The following KCNH8 variants were observed in gnomAD, a reference collection of about 807,000 sequenced individuals.
KCNH8 encodes the protein voltage-gated delayed rectifier potassium channel KCNH8.
In KCNH8, 70 loss-of-function variants were observed where a neutral mutation model predicts 103.6. That is an observed-to-expected ratio of 0.68 (90% CI 0.56 to 0.82). The LOEUF is 0.82. Ranked by LOEUF, KCNH8 falls within the 40% of genes least tolerant of loss-of-function variation. The pLI is 0.00. For missense variants in KCNH8, 1,217 were observed against 1,329.9 expected (o/e 0.92, Z 1.32); for synonymous variants, 498 against 489.4 (o/e 1.02, Z -0.23).
At chr3:19,265,530 CAG>C (rs977209624) in intron 2 of KCNH8, among the ~76,000 whole-genome samples, 2 of 152,000 alleles carry the variant, frequency 1.3e-5, no homozygotes, top group African/African-American at 4.8e-5. Flanking sequence ...TCCCATTTCC[CAG>C]AGTGTTGGAT....
At chr3:19,241,298 G>A (rs902176165) in intron 1 of KCNH8, among the ~76,000 whole-genome samples, 2 of 152,072 alleles carry the variant, frequency 1.3e-5, no homozygotes, top group African/African-American at 4.8e-5. Context: ...ACCTGTCTGA[G>A]ATAGAAAGGA....
intron 11 of KCNH8, among the ~76,000 whole-genome samples, chr3:19,497,875 G>T (rs528469083): frequency 1.3e-5 from 2 of 152,262 alleles, no homozygotes; most frequent in East Asian, 1.9e-4. Flanking sequence ...GGGAATCAAA[G>T]TCTCTGTGTA....
chr3:19,412,703 A>T (rs1188022638), intron 7 of KCNH8, among the ~76,000 whole-genome samples: 4 of 145,302 alleles, frequency 2.8e-5, no homozygotes, highest in Admixed American at 6.7e-5. Context: ...AAGACAATTT[A>T]AAAAAAATGA....
At chr3:19,355,885 A>T (rs1020992491) in intron 5 of KCNH8, among the ~76,000 whole-genome samples, 2 of 150,286 alleles carry the variant, frequency 1.3e-5, no homozygotes, top group South Asian at 2.1e-4. Context: ...AGTATAATAA[A>T]ATATATATAT....
rs548147237 is a variant in KCNH8, at chr3:19,256,028, G to A, written c.310+2141G>A. 7.9e-5 allele frequency among the ~76,000 whole-genome samples: 12 copies of A among 152,142 alleles called. No individual in the cohort carries two copies. The South Asian group carries it at 2.5e-3, about 32-fold the overall frequency. The stretch of plus-strand genomic sequence containing the variant: ...GGTCTTGTGTAACAATATTTAAATT[G>A]TACTCTAACACAGGGTTTCTCAACC... On this transcript the variant is annotated intron_variant, in intron 2 of 15. Coordinates refer to ENST00000328405, the MANE Select transcript of KCNH8 (RefSeq NM_144633.3).
intron 5 of KCNH8, among the ~76,000 whole-genome samples, chr3:19,356,521 G>T (rs752565977): frequency 6.6e-6 from 1 of 151,968 alleles, no homozygotes; most frequent in Non-Finnish European, 1.5e-5. Flanking sequence ...AATTATTTGG[G>T]ATCAACATGG....
rs534166216 is a variant in KCNH8 at position 19,395,359 on chromosome 3, AAG to A, written c.1177+51_1177+52del. 1,188 of 1,318,980 alleles carry A rather than the reference AAG, an allele frequency of 9.0e-4. 2 individuals are homozygous for A. The highest frequency in any genetic ancestry group is 2.7e-3 in the Admixed American group (147 of 55,218). 81.7% of individuals were successfully genotyped at this position (1,318,980 alleles called of 1,614,324 possible). A position where few individuals can be genotyped will look rare whatever the true frequency, so the allele number is the denominator to read the frequency against. ...TTTTCCATTTTTTAATTTAAAAAAA[AAG>A]AGTATCAAGAACTTGGAGGAAGTGA... On this transcript the variant is annotated intron_variant, in intron 7 of 15. Coordinates refer to ENST00000328405, the MANE Select transcript of KCNH8 (RefSeq NM_144633.3).
chr3:19,467,635 A>T (rs890958048), intron 11 of KCNH8, among the ~76,000 whole-genome samples: 21 of 152,274 alleles, frequency 1.4e-4, no homozygotes, highest in African/African-American at 5.1e-4. Context: ...GAGCTGAAAC[A>T]TACCTACCTG....
chr3:19,478,427 C>A (rs2068020349), intron 11 of KCNH8, among the ~76,000 whole-genome samples: 1 of 152,058 alleles, frequency 6.6e-6, no homozygotes, highest in Non-Finnish European at 1.5e-5. Context: ...TTCTCCACAT[C>A]CTCAACAACA....
chr3:19,284,973 G>A (rs2064811668), intron 3 of KCNH8, among the ~76,000 whole-genome samples: 1 of 151,770 alleles, frequency 6.6e-6, no homozygotes, highest in African/African-American at 2.4e-5. Context: ...GCCAGGGTAG[G>A]CAAAGTCTTT....
intron 2 of KCNH8, among the ~76,000 whole-genome samples, chr3:19,260,151 T>C (rs960992455): frequency 2.6e-5 from 4 of 151,720 alleles, no homozygotes; most frequent in East Asian, 1.9e-4. Flanking sequence ...GCTAGCTGCA[T>C]ATTTTAGCTT....
chr3:19,468,889 T>C (rs1049957850), intron 11 of KCNH8, among the ~76,000 whole-genome samples: 3 of 152,224 alleles, frequency 2.0e-5, no homozygotes, highest in Admixed American at 6.5e-5. Context: ...TATGTGACTA[T>C]ATTACGATTT....
At chr3:19,361,597 C>T (rs969304025) in intron 5 of KCNH8, among the ~76,000 whole-genome samples, 7 of 152,098 alleles carry the variant, frequency 4.6e-5, no homozygotes, top group African/African-American at 9.7e-5. Flanking sequence ...ACTCACCAAT[C>T]GGCATTACTA....
chr3:19,428,818 C>A (rs1387790102), intron 7 of KCNH8, among the ~76,000 whole-genome samples: 1 of 152,120 alleles, frequency 6.6e-6, no homozygotes, highest in Non-Finnish European at 1.5e-5. Flanking sequence ...CATTGCTTGC[C>A]TTCTGGGTTA....
intron 5 of KCNH8, among the ~76,000 whole-genome samples, chr3:19,348,857 G>C (rs1408928079): frequency 6.6e-6 from 1 of 152,002 alleles, no homozygotes; most frequent in Non-Finnish European, 1.5e-5. Context: ...AAATAATTAA[G>C]TGAGGCACAT....
intron 1 of KCNH8, among the ~76,000 whole-genome samples, chr3:19,244,452 T>C (rs1263888136): frequency 6.6e-6 from 1 of 152,130 alleles, no homozygotes; most frequent in African/African-American, 2.4e-5. Context: ...TTGTTGTTGT[T>C]ATAATGATCT....
At chr3:19,445,458 C>T (rs1437320891) in intron 8 of KCNH8, among the ~76,000 whole-genome samples, 1 of 151,538 alleles carries the variant, frequency 6.6e-6, no homozygotes, top group Non-Finnish European at 1.5e-5. Flanking sequence ...TCACATTTAG[C>T]AAATGTGTAA....
At chr3:19,507,781 C>T (rs2068720920) in intron 11 of KCNH8, among the ~76,000 whole-genome samples, 1 of 152,156 alleles carries the variant, frequency 6.6e-6, no homozygotes, top group Non-Finnish European at 1.5e-5. Context: ...TCCCTTGTCA[C>T]CACGTACCTT....
At chr3:19,186,057 A>G (rs1023356283) in intron 1 of KCNH8, among the ~76,000 whole-genome samples, 1 of 151,992 alleles carries the variant, frequency 6.6e-6, no homozygotes, top group Non-Finnish European at 1.5e-5. Context: ...TAGTTAAAAA[A>G]CAATAAAAAT....
Sources: gnomAD v4.1 joint callset for allele counts (sites outside exome capture counted in the v4.1 genomes callset) on GRCh38, gnomAD v4.1.1 for gene constraint, MANE v1.5 for transcripts, NCBI Gene and HGNC (gene_info 2026-07-23, HGNC 2026-07-21) for gene names.